Variants in DGKB observed in about 807,000 individuals in gnomAD.
DGKB encodes diacylglycerol kinase beta.
Under a neutral mutation model 114.3 loss-of-function variants are expected in DGKB, and 67 were observed. The observed-to-expected ratio is 0.59, with a 90% CI of 0.48 to 0.72. The LOEUF is 0.72. Ranked by LOEUF, DGKB falls within the 30% of genes least tolerant of loss-of-function variation. The probability of loss-of-function intolerance (pLI) is 0.00; values close to 1 mark genes in which losing one functional copy is unlikely to be tolerated. For synonymous variants in DGKB, 398 were observed against 323.1 expected, an observed-to-expected ratio of 1.23 and a Z score of -2.49; for missense variants, 907 against 975.2, an observed-to-expected ratio of 0.93 and a Z score of 0.93.
chr7:14,941,187 A>T (rs1377611497), intron 1 of DGKB, among the ~76,000 whole-genome samples: 1 of 152,134 alleles, frequency 6.6e-6, no homozygotes, highest in African/African-American at 2.4e-5. Context: ...ATGAATATAA[A>T]TAGAACTGAT....
chr7:14,745,874 C>A (rs72506098), intron 4 of DGKB, among the ~76,000 whole-genome samples: 9,369 of 152,248 alleles, frequency 0.062, 435 homozygotes, highest in Admixed American at 0.12. Flanking sequence ...AAAATTCCTG[C>A]ATCACTGGCA....
intron 5 of DGKB, among the ~76,000 whole-genome samples, chr7:14,733,596 G>A (rs1330848125): frequency 6.6e-6 from 1 of 152,114 alleles, no homozygotes. Context: ...GTTGGGGCAG[G>A]AGGATCTCTT....
chr7:14,513,368 A>G (rs1788274004), intron 20 of DGKB, among the ~76,000 whole-genome samples: 1 of 151,994 alleles, frequency 6.6e-6, no homozygotes, highest in Admixed American at 6.6e-5. Flanking sequence ...AAACAGCTTA[A>G]CTTGCCTTTT....
chr7:14,322,272 A>G (rs1442613110), intron 23 of DGKB, among the ~76,000 whole-genome samples: 1 of 152,134 alleles, frequency 6.6e-6, no homozygotes, highest in Non-Finnish European at 1.5e-5. Flanking sequence ...TAAAATATCT[A>G]CTATCTGACA....
At chr7:14,287,547 C>T (rs142409708) in intron 23 of DGKB, among the ~76,000 whole-genome samples, 129 of 152,210 alleles carry the variant, frequency 8.5e-4, no homozygotes, top group African/African-American at 2.9e-3. Context: ...CTTATTTCTA[C>T]CGCACGGTCT....
intron 2 of DGKB, among the ~76,000 whole-genome samples, chr7:14,773,205 T>G (rs1248191014): frequency 6.6e-6 from 1 of 152,170 alleles, no homozygotes. Flanking sequence ...ATTAAATAAT[T>G]GATACTTTAG....
At chr7:14,836,988 T>A (rs1847252317) in intron 2 of DGKB, among the ~76,000 whole-genome samples, 2 of 152,206 alleles carry the variant, frequency 1.3e-5, no homozygotes, top group African/African-American at 4.8e-5. Context: ...TCTAGTAAGA[T>A]AATAATTGTA....
chr7:14,533,564 C>T (rs1281755388), intron 20 of DGKB, among the ~76,000 whole-genome samples: 1 of 107,038 alleles, frequency 9.3e-6, no homozygotes, highest in East Asian at 6.2e-4. Flanking sequence ...AATGGACATC[C>T]AGATTCATGA....
At chr7:14,570,800 C>G (rs73057484) in intron 20 of DGKB, among the ~76,000 whole-genome samples, 6 of 151,548 alleles carry the variant, frequency 4.0e-5, no homozygotes, top group African/African-American at 1.5e-4. Flanking sequence ...AAAGGGGAGG[C>G]AAATTACACT....
chr7:14,858,494 C>T (rs578015546), intron 1 of DGKB, among the ~76,000 whole-genome samples: 1 of 152,200 alleles, frequency 6.6e-6, no homozygotes, highest in Non-Finnish European at 1.5e-5. Context: ...TGAAAGGGTA[C>T]AGTAACCTCC....
intron 16 of DGKB, among the ~76,000 whole-genome samples, chr7:14,611,692 T>C (rs1207913877): frequency 6.7e-6 from 1 of 149,548 alleles, no homozygotes; most frequent in South Asian, 2.1e-4. Flanking sequence ...AACATTTTAG[T>C]GTAACTATAT....
chr7:14,813,848 T>C (rs1843742336), intron 2 of DGKB, among the ~76,000 whole-genome samples: 1 of 152,182 alleles, frequency 6.6e-6, no homozygotes, highest in Non-Finnish European at 1.5e-5. Flanking sequence ...TGGTGTTATC[T>C]GAAAACTAAG....
At chr7:14,562,078 T>C (rs979120839) in intron 20 of DGKB, among the ~76,000 whole-genome samples, 1 of 152,192 alleles carries the variant, frequency 6.6e-6, no homozygotes, top group Admixed American at 6.5e-5. Context: ...CAGCTGTGGT[T>C]AAAAGGGACC....
intron 23 of DGKB, among the ~76,000 whole-genome samples, chr7:14,299,160 T>A (rs1267908659): frequency 1.3e-5 from 2 of 152,100 alleles, no homozygotes; most frequent in Non-Finnish European, 2.9e-5. Flanking sequence ...CTCATAACTC[T>A]ATTCCAAATC....
intron 23 of DGKB, among the ~76,000 whole-genome samples, chr7:14,203,700 G>C (rs1200476489): frequency 6.6e-6 from 1 of 151,854 alleles, no homozygotes; most frequent in Non-Finnish European, 1.5e-5. Flanking sequence ...TAATGTACTG[G>C]GGCCATGGAA....
chr7:14,769,259 AAAGAAAGAAAGAAAGAAAG>A (rs1837035596), intron 2 of DGKB, among the ~76,000 whole-genome samples: 2 of 122,602 alleles, frequency 1.6e-5, no homozygotes, highest in Non-Finnish European at 3.1e-5. Flanking sequence ...AGAAAGAAAG[AAAGAAAGAAAGAAAGAAAG>A]AAAGATTTTG....
intron 20 of DGKB, among the ~76,000 whole-genome samples, chr7:14,526,760 T>C (rs927238531): frequency 6.6e-6 from 1 of 152,044 alleles, no homozygotes; most frequent in South Asian, 2.1e-4. Flanking sequence ...CAGTTCGTAA[T>C]AGAGAAAGAA....
chr7:14,893,295 C>A (rs1439065521), intron 1 of DGKB, among the ~76,000 whole-genome samples: 1 of 151,310 alleles, frequency 6.6e-6, no homozygotes, highest in Non-Finnish European at 1.5e-5. Context: ...GTTCTCATCT[C>A]AATTAACCTC....
intron 23 of DGKB, among the ~76,000 whole-genome samples, chr7:14,263,448 A>G (rs1462594171): frequency 6.6e-6 from 1 of 152,124 alleles, no homozygotes; most frequent in East Asian, 1.9e-4. Flanking sequence ...TTTCCAGCCA[A>G]CTTTTAGATT....
Sources: allele counts gnomAD v4.1 joint callset (sites outside exome capture counted in the v4.1 genomes callset), GRCh38; gene constraint gnomAD v4.1.1; transcripts MANE v1.5; gene names NCBI Gene and HGNC (gene_info 2026-07-23, HGNC 2026-07-21).